The following LRP1B variants were observed in gnomAD, a reference collection of about 807,000 sequenced individuals.
The protein encoded by LRP1B is LDL receptor related protein 1B, also known as low-density lipoprotein receptor-related protein 1B.
LRP1B carries 217 observed loss-of-function variants against 556.6 expected under a neutral mutation model. That is an observed-to-expected ratio of 0.39 (90% CI 0.35 to 0.44). The LOEUF (loss-of-function observed/expected upper bound fraction) is 0.44, where lower values mean the gene tolerates loss of function less well. Ranked by LOEUF, LRP1B falls within the 20% of genes least tolerant of loss-of-function variation. The pLI, the probability that LRP1B is intolerant of heterozygous loss-of-function variation, is 1.00. For missense variants in LRP1B, 5,053 were observed against 5,620.8 expected (o/e 0.90, Z 3.23); for synonymous variants, 2,047 against 1,865.8 (o/e 1.10, Z -2.50).
At position 140,849,696 on chromosome 2, in the gene LRP1B, C is replaced by T. The variant is rs373606498; in HGVS notation, c.4939+406G>A. Among the ~76,000 whole-genome samples the T allele has an allele frequency of 5.9e-5, 9 of 152,140 alleles. No homozygotes were observed. The East Asian group carries it at 9.7e-4, about 16-fold the overall frequency. Reference sequence around the variant, plus strand: ...CTGGGATTACATGTGTGCACCACCACATTTGGCTAATTTTGTATTTTTAGT... The same window carrying T: ...CTGGGATTACATGTGTGCACCACCATATTTGGCTAATTTTGTATTTTTAGT... On this transcript the variant is annotated intron_variant, in intron 29 of 90. Coordinates refer to ENST00000389484, the MANE Select transcript of LRP1B (RefSeq NM_018557.3).
chr2:141,475,227 GCTGT>G (rs1267295749), intron 3 of LRP1B, among the ~76,000 whole-genome samples: 1 of 152,014 alleles, frequency 6.6e-6, no homozygotes, highest in Non-Finnish European at 1.5e-5. Flanking sequence ...ACAAAAATTA[GCTGT>G]TGGCACAGGC....
At chr2:141,544,346 C>CTTCTTCTTCTTCTTCTTCTTCTTCTTCTT (rs1685442935) in intron 2 of LRP1B, among the ~76,000 whole-genome samples, 6 of 84,942 alleles carry the variant, frequency 7.1e-5, no homozygotes, top group African/African-American at 2.2e-4. Context: ...TCTTCTTCTT[C>CTTCTTCTTCTTCTTCTTCTTCTTCTTCTT]TTCTTCTTCT....
At chr2:141,661,634 A>C (rs1690224029) in intron 2 of LRP1B, among the ~76,000 whole-genome samples, 1 of 152,194 alleles carries the variant, frequency 6.6e-6, no homozygotes, top group Non-Finnish European at 1.5e-5. Context: ...TTACAGAAAA[A>C]AGAATGAAAG....
At chr2:140,785,272 C>A (rs186261293) in intron 32 of LRP1B, among the ~76,000 whole-genome samples, 78 of 152,230 alleles carry the variant, frequency 5.1e-4, no homozygotes, top group African/African-American at 1.8e-3. Context: ...TCTCAGAAAG[C>A]TGCTGGAAGC....
intron 1 of LRP1B, among the ~76,000 whole-genome samples, chr2:142,022,844 T>A (rs993438456): frequency 5.3e-5 from 8 of 152,048 alleles, no homozygotes; most frequent in Middle Eastern, 3.2e-3. Context: ...CTAATTTTTT[T>A]AAATTTTTTT....
chr2:140,389,745 T>TTA (rs71408454), intron 66 of LRP1B, among the ~76,000 whole-genome samples: 113 of 147,360 alleles, frequency 7.7e-4, no homozygotes, highest in East Asian at 2.1e-3. Context: ...ATATATAGTT[T>TTA]TATATATATA....
At chr2:140,705,288 C>T (rs1230389880) in intron 37 of LRP1B, among the ~76,000 whole-genome samples, 1 of 151,972 alleles carries the variant, frequency 6.6e-6, no homozygotes, top group Non-Finnish European at 1.5e-5. Flanking sequence ...CTTTGGGAGG[C>T]TGAGGCAGGC....
At chr2:141,070,971 T>C (rs919480345) in intron 7 of LRP1B, among the ~76,000 whole-genome samples, 50 of 152,082 alleles carry the variant, frequency 3.3e-4, no homozygotes, top group African/African-American at 4.3e-4. Context: ...TTCCAATCCA[T>C]AGAAAAAGAG....
chr2:141,997,988 T>C (rs1027033381), intron 1 of LRP1B, among the ~76,000 whole-genome samples: 1 of 152,070 alleles, frequency 6.6e-6, no homozygotes, highest in Non-Finnish European at 1.5e-5. Flanking sequence ...TTGAATAAAA[T>C]AGTTATTACT....
chr2:141,155,134 G>T (rs1300365444), intron 7 of LRP1B, among the ~76,000 whole-genome samples: 2 of 151,872 alleles, frequency 1.3e-5, no homozygotes, highest in Non-Finnish European at 2.9e-5. Context: ...CCACTTGTTA[G>T]AGTGGAAACA....
intron 1 of LRP1B, among the ~76,000 whole-genome samples, chr2:142,055,116 A>C (rs1395370642): frequency 6.6e-6 from 1 of 152,162 alleles, no homozygotes; most frequent in Admixed American, 6.5e-5. Context: ...TGGACAAGAC[A>C]GAATGTTTTT....
chr2:140,646,833 T>G lies in LRP1B; in HGVS notation c.6800-45194A>C, dbSNP rs1426584418. Among the ~76,000 whole-genome samples, 5 of 152,088 alleles carry G rather than the reference T, an allele frequency of 3.3e-5. No homozygotes were observed. The South Asian group carries it at 8.3e-4, about 25-fold the overall frequency. ...ATGTGATATGTGATATATATCTGTA[T>G]AGATGTATGTAATAGACATATGTAC... is the stretch of plus-strand genomic sequence containing the variant. On this transcript the variant is annotated intron_variant, in intron 41 of 90. Coordinates refer to ENST00000389484, the MANE Select transcript of LRP1B (RefSeq NM_018557.3).
chr2:141,374,042 A>C (rs1403887410), intron 3 of LRP1B, among the ~76,000 whole-genome samples: 1 of 152,118 alleles, frequency 6.6e-6, no homozygotes, highest in Admixed American at 6.5e-5. Flanking sequence ...CTGTAGGTTC[A>C]GTCTAGTGGT....
intron 87 of LRP1B, among the ~76,000 whole-genome samples, chr2:140,245,593 T>C (rs1492389): frequency 0.85 from 128,111 of 151,322 alleles, 55,925 homozygotes; most frequent in East Asian, 0.97. Context: ...TTCAAATGCA[T>C]TTTTTTATTA....
At chr2:142,014,470 A>C (rs1443899613) in intron 1 of LRP1B, among the ~76,000 whole-genome samples, 1 of 152,172 alleles carries the variant, frequency 6.6e-6, no homozygotes, top group Non-Finnish European at 1.5e-5. Context: ...ATTTCATAAA[A>C]AGAGTAGTTG....
chr2:141,358,304 G>A (rs1688697271), intron 3 of LRP1B, among the ~76,000 whole-genome samples: 1 of 152,226 alleles, frequency 6.6e-6, no homozygotes, highest in African/African-American at 2.4e-5. Flanking sequence ...TCACCCTGAA[G>A]GTTAGGCAGA....
chr2:140,253,555 G>A (rs1450185567), intron 86 of LRP1B, among the ~76,000 whole-genome samples: 1 of 151,216 alleles, frequency 6.6e-6, no homozygotes, highest in Non-Finnish European at 1.5e-5. Context: ...AACATAAAAT[G>A]TTGTGCAGTC....
chr2:140,273,123 C>T (rs994660874), intron 85 of LRP1B, among the ~76,000 whole-genome samples: 6 of 151,818 alleles, frequency 4.0e-5, no homozygotes, highest in Non-Finnish European at 8.8e-5. Flanking sequence ...TGGCTCACAC[C>T]ATTTCTCAGA....
At chr2:140,561,438 G>T (rs929217270) in intron 43 of LRP1B, among the ~76,000 whole-genome samples, 1 of 152,088 alleles carries the variant, frequency 6.6e-6, no homozygotes, top group African/African-American at 2.4e-5. Context: ...ACATAAAAAT[G>T]AATCATTTTC....
Sources: allele counts gnomAD v4.1 joint callset (sites outside exome capture counted in the v4.1 genomes callset), GRCh38; gene constraint gnomAD v4.1.1; transcripts MANE v1.5; gene names NCBI Gene and HGNC (gene_info 2026-07-23, HGNC 2026-07-21).